Variants in AFF3 observed in about 807,000 individuals in gnomAD.
The protein encoded by AFF3 is AF4/FMR2 family member 3.
AFF3 carries 32 observed loss-of-function variants against 129.7 expected under a neutral mutation model. That is an observed-to-expected ratio of 0.25 (90% CI 0.19 to 0.33). The LOEUF is 0.33. AFF3 is among the 10% of genes least tolerant of loss of function. AFF3 has a pLI of 1.00. For missense variants in AFF3, 1,373 were observed against 1,592.0 expected (o/e 0.86, Z 2.34); for synonymous variants, 644 against 635.4 (o/e 1.01, Z -0.20).
chr2:99,735,869 T>G (rs544862396), intron 10 of AFF3, among the ~76,000 whole-genome samples: 2 of 152,220 alleles, frequency 1.3e-5, no homozygotes, highest in African/African-American at 4.8e-5. Flanking sequence ...TAATATTAGG[T>G]ATTTCTATTA....
chr2:99,917,424 ACT>A (rs2106229038), intron 7 of AFF3, among the ~76,000 whole-genome samples: 1 of 152,050 alleles, frequency 6.6e-6, no homozygotes, highest in African/African-American at 2.4e-5. Context: ...GATAGAAGAG[ACT>A]CTGCATACTC....
rs911288625 is a variant in AFF3, at chr2:99,605,576, C to A, written c.1185-3955G>T. Among the ~76,000 whole-genome samples, 5 of 152,302 alleles carry A rather than the reference C, an allele frequency of 3.3e-5. 1 individual carries two copies. The highest frequency in any genetic ancestry group is 3.3e-4 in the Admixed American group (5 of 15,306). The stretch of plus-strand genomic sequence containing the variant: ...CACGGGTGCTTGCAGCTGCTTTACC[C>A]ATCGTGGGGCAGCTGCAGCAGTGAG... On this transcript the variant is annotated intron_variant, in intron 13 of 24. Coordinates refer to ENST00000672756, the MANE Select transcript of AFF3 (RefSeq NM_001386135.1).
intron 4 of AFF3, among the ~76,000 whole-genome samples, chr2:100,044,795 C>T (rs974286730): frequency 2.0e-5 from 3 of 152,028 alleles, no homozygotes; most frequent in Non-Finnish European, 2.9e-5. Context: ...AACTGTACAA[C>T]AGTACTGTCC....
intron 11 of AFF3, among the ~76,000 whole-genome samples, chr2:99,678,312 G>A (rs978445477): frequency 2.0e-5 from 3 of 152,214 alleles, no homozygotes; most frequent in African/African-American, 7.2e-5. Flanking sequence ...ATAAATTTAT[G>A]TTGTAGCTGG....
At chr2:99,754,883 G>A (rs1330139912) in intron 8 of AFF3, among the ~76,000 whole-genome samples, 1 of 152,150 alleles carries the variant, frequency 6.6e-6, no homozygotes, top group African/African-American at 2.4e-5. Context: ...TTATGTACAC[G>A]AAGTGCTCAG....
chr2:99,852,834 T>C (rs13386354), intron 7 of AFF3, among the ~76,000 whole-genome samples: 93 of 152,274 alleles, frequency 6.1e-4, no homozygotes, highest in African/African-American at 2.2e-3. Context: ...AGTCCTAAGA[T>C]GAGAGACTAT....
intron 2 of AFF3, among the ~76,000 whole-genome samples, chr2:100,118,460 A>G (rs905857153): frequency 1.3e-5 from 2 of 152,214 alleles, no homozygotes; most frequent in African/African-American, 2.4e-5. Flanking sequence ...TTATAGCTCC[A>G]TTGTTGATAA....
intron 4 of AFF3, among the ~76,000 whole-genome samples, chr2:100,100,874 AG>A (rs1273476353): frequency 5.3e-5 from 8 of 152,230 alleles, no homozygotes; most frequent in Non-Finnish European, 1.0e-4. Context: ...CAGGGAGTGG[AG>A]GGGGCAGCCT....
chr2:99,898,656 G>A (rs374689993), intron 7 of AFF3, among the ~76,000 whole-genome samples: 10 of 152,130 alleles, frequency 6.6e-5, no homozygotes, highest in African/African-American at 1.4e-4. Context: ...GCCATGGGTC[G>A]CCTCTGGCCC....
chr2:99,569,801 G>A (rs1676311605), intron 18 of AFF3, among the ~76,000 whole-genome samples: 1 of 152,106 alleles, frequency 6.6e-6, no homozygotes, highest in Non-Finnish European at 1.5e-5. Context: ...TCAAATATAA[G>A]CCAGGACTCT....
intron 7 of AFF3, among the ~76,000 whole-genome samples, chr2:99,995,341 G>A (rs377527402): frequency 3.3e-5 from 5 of 151,678 alleles, no homozygotes; most frequent in African/African-American, 9.7e-5. Flanking sequence ...CTCATCTTAC[G>A]TCAAAACAAA....
intron 10 of AFF3, among the ~76,000 whole-genome samples, chr2:99,739,461 G>A (rs1439840992): frequency 6.6e-6 from 1 of 152,100 alleles, no homozygotes; most frequent in East Asian, 1.9e-4. Flanking sequence ...GGGAAGGATT[G>A]CTTAAATGCA....
At chr2:99,668,943 C>A (rs1417866872) in intron 12 of AFF3, among the ~76,000 whole-genome samples, 2 of 152,224 alleles carry the variant, frequency 1.3e-5, no homozygotes, top group South Asian at 4.1e-4. Flanking sequence ...ATCAGTATTA[C>A]CCTGATATCA....
intron 7 of AFF3, among the ~76,000 whole-genome samples, chr2:99,972,872 G>A (rs1576459018): frequency 6.6e-6 from 1 of 152,162 alleles, no homozygotes; most frequent in Admixed American, 6.5e-5. Flanking sequence ...CTCCAGCTCT[G>A]CAGCCACTTC....
chr2:99,611,080 G>A (rs148953404), intron 13 of AFF3, among the ~76,000 whole-genome samples: 9 of 152,160 alleles, frequency 5.9e-5, no homozygotes, highest in African/African-American at 2.2e-4. Flanking sequence ...TCATTCTGCG[G>A]TTGAGCTCAT....
chr2:99,919,204 C>G (rs1413819820), intron 7 of AFF3, among the ~76,000 whole-genome samples: 1 of 152,158 alleles, frequency 6.6e-6, no homozygotes, highest in Admixed American at 6.6e-5. Context: ...TATGGATGAT[C>G]CATGAGCATA....
At chr2:99,870,904 A>T (rs568921227) in intron 7 of AFF3, among the ~76,000 whole-genome samples, 1 of 152,346 alleles carries the variant, frequency 6.6e-6, no homozygotes, top group South Asian at 2.1e-4. Context: ...GCCTCTTTGT[A>T]TCTCAGTTTG....
intron 8 of AFF3, among the ~76,000 whole-genome samples, chr2:99,769,142 C>T (rs985574108): frequency 6.6e-6 from 1 of 152,152 alleles, no homozygotes; most frequent in Non-Finnish European, 1.5e-5. Context: ...CCTTTAGAGG[C>T]TATTTTCTAC....
chr2:99,772,350 C>T (rs966585902), intron 8 of AFF3, among the ~76,000 whole-genome samples: 6 of 152,088 alleles, frequency 3.9e-5, no homozygotes, highest in African/African-American at 1.4e-4. Flanking sequence ...AAGTGTCTGC[C>T]AAAAGAAGGG....
Sources: gnomAD v4.1 joint callset for allele counts (sites outside exome capture counted in the v4.1 genomes callset) on GRCh38, gnomAD v4.1.1 for gene constraint, MANE v1.5 for transcripts, NCBI Gene and HGNC (gene_info 2026-07-23, HGNC 2026-07-21) for gene names.